Variants in SLC22A4 observed in about 807,000 individuals in gnomAD.
The protein encoded by SLC22A4 is solute carrier family 22 member 4, also known as ET transporter.
In SLC22A4, 39 loss-of-function variants were observed where a neutral mutation model predicts 56.6. The ratio of observed to expected loss-of-function variants is 0.69; its 90% CI spans 0.53 to 0.90. The LOEUF is 0.90. SLC22A4 is among the 40% of genes least tolerant of loss of function. The pLI, the probability that SLC22A4 is intolerant of heterozygous loss-of-function variation, is 0.00. For missense variants in SLC22A4, 594 were observed against 696.5 expected, an observed-to-expected ratio of 0.85 and a Z score of 1.66; for synonymous variants, 241 against 281.4, an observed-to-expected ratio of 0.86 and a Z score of 1.44.
chr5:132,317,329 A>C lies in SLC22A4; in HGVS notation c.652+3561A>C, dbSNP rs557113624. Among the ~76,000 whole-genome samples the C allele has an allele frequency of 2.0e-5, 3 of 152,296 alleles. No homozygotes were observed. In the South Asian group the frequency reaches 6.2e-4, roughly 32 times the overall value. On this transcript the variant is annotated intron_variant, in intron 3 of 9. Transcript: ENST00000200652. ...TCATCACCCTGAAAAGAAACCCTATACGAATTAGCAGTCATTTCCCTCTTC... is the reference window on the plus strand; with the variant it reads ...TCATCACCCTGAAAAGAAACCCTATCCGAATTAGCAGTCATTTCCCTCTTC...
intron 1 of SLC22A4, among the ~76,000 whole-genome samples, chr5:132,297,812 A>C (rs1280790948): frequency 1.3e-5 from 2 of 152,004 alleles, no homozygotes; most frequent in African/African-American, 2.4e-5. Flanking sequence ...GCCAGGCATG[A>C]GGGCATGTGA....
intron 1 of SLC22A4, among the ~76,000 whole-genome samples, chr5:132,296,138 G>T (rs1391227022): frequency 6.6e-6 from 1 of 152,214 alleles, no homozygotes; most frequent in Non-Finnish European, 1.5e-5. Flanking sequence ...CTCTCTGTGG[G>T]ACAATAGGTG....
intron 4 of SLC22A4, among the ~76,000 whole-genome samples, chr5:132,324,052 T>C (rs1280335363): frequency 6.6e-6 from 1 of 151,952 alleles, no homozygotes; most frequent in Non-Finnish European, 1.5e-5. Flanking sequence ...ATTAGCTGGG[T>C]GCAGTGGTGA....
intron 4 of SLC22A4, 81 bp from the exon 5 acceptor site, chr5:132,327,196 A>G (rs951890645): frequency 1.8e-6 from 2 of 1,137,114 alleles, no homozygotes; most frequent in African/African-American, 3.1e-5. Flanking sequence ...CAAAATTAAA[A>G]CTATTTGGGG....
chr5:132,299,706 G>A (rs186800090), intron 1 of SLC22A4, among the ~76,000 whole-genome samples: 4 of 152,176 alleles, frequency 2.6e-5, no homozygotes, highest in Admixed American at 6.5e-5. Flanking sequence ...CACCTGCCTC[G>A]GCCTCCCAAA....
chr5:132,315,710 C>G (rs1216297635), intron 3 of SLC22A4, among the ~76,000 whole-genome samples: 2 of 152,172 alleles, frequency 1.3e-5, no homozygotes, highest in Non-Finnish European at 2.9e-5. Flanking sequence ...GGTGCAGCAG[C>G]CTCGCTATCA....
intron 8 of SLC22A4, among the ~76,000 whole-genome samples, chr5:132,337,507 G>A (rs751030813): frequency 2.0e-5 from 3 of 151,304 alleles, no homozygotes; most frequent in African/African-American, 7.3e-5. Flanking sequence ...GAACTCCTGG[G>A]CTCAAGTGAT....
chr5:132,341,371 T>C (rs1751214045), intron 9 of SLC22A4, among the ~76,000 whole-genome samples: 1 of 151,906 alleles, frequency 6.6e-6, no homozygotes, highest in South Asian at 2.1e-4. Flanking sequence ...TGAGCCAACA[T>C]CATGCCACCG....
At chr5:132,321,289 G>T (rs71583473) in intron 3 of SLC22A4, among the ~76,000 whole-genome samples, 1 of 152,168 alleles carries the variant, frequency 6.6e-6, no homozygotes, top group East Asian at 1.9e-4. Flanking sequence ...CATGCTGCAG[G>T]AAGGCCTGTC....
chr5:132,308,942 T>C (rs1241061915), intron 1 of SLC22A4, among the ~76,000 whole-genome samples: 3 of 152,210 alleles, frequency 2.0e-5, no homozygotes, highest in Non-Finnish European at 4.4e-5. Context: ...TGTATGTGTG[T>C]GTGCATGTAT....
At chr5:132,295,706 CA>C in intron 1 of SLC22A4, 1 of 190,116 alleles carries the variant, frequency 5.3e-6, no homozygotes, top group Non-Finnish European at 1.1e-5. Context: ...TGAGGATGCA[CA>C]CACACTTCTC....
intron 9 of SLC22A4, 47 bp downstream of exon 9, chr5:132,340,747 AT>A (rs1561550279): frequency 6.4e-7 from 1 of 1,560,918 alleles, no homozygotes; most frequent in Non-Finnish European, 8.8e-7. Context: ...CTTAGGGAGA[AT>A]AAGCATGGAA....
At chr5:132,298,133 T>C (rs1351071425) in intron 1 of SLC22A4, among the ~76,000 whole-genome samples, 2 of 152,214 alleles carry the variant, frequency 1.3e-5, no homozygotes. Flanking sequence ...ATACTAATTC[T>C]GGATATATGT....
chr5:132,334,884 C>G lies in SLC22A4; in HGVS notation c.1213C>G (p.Leu405Val). The G allele has an allele frequency of 6.2e-7, 1 of 1,613,954 alleles. No individual in the cohort carries two copies. Among genetic ancestry groups the G allele is most frequent in the Non-Finnish European group, 8.5e-7 (1 of 1,179,870 alleles). ...LPRRYIIAAV[L>V]FWGGGVLLFI... ...CAGGCGTTATATCATAGCTGCAGTACTGTTCTGGGGAGGAGGTGTGCTTCT... is the reference window on the plus strand; with the variant it reads ...CAGGCGTTATATCATAGCTGCAGTAGTGTTCTGGGGAGGAGGTGTGCTTCT... The change falls in exon 7 of 10, where the codon CTG (leucine) becomes GTG (valine). Residue 405 changes from leucine (L) to valine (V), a missense_variant. Leu to Val is a conservative substitution (Grantham distance 32). Transcript: ENST00000200652.
At chr5:132,310,689 T>C (rs1270336491) in intron 1 of SLC22A4, among the ~76,000 whole-genome samples, 4 of 152,236 alleles carry the variant, frequency 2.6e-5, no homozygotes, top group Non-Finnish European at 5.9e-5. Context: ...AATCTTGCTA[T>C]TGTCTCTAGG....
intron 3 of SLC22A4, among the ~76,000 whole-genome samples, chr5:132,317,596 T>C (rs1415791873): frequency 1.3e-5 from 2 of 152,244 alleles, no homozygotes; most frequent in Admixed American, 6.5e-5. Context: ...TTATGAATAA[T>C]GCTATGAACA....
intron 1 of SLC22A4, among the ~76,000 whole-genome samples, chr5:132,299,259 T>C (rs1749849017): frequency 6.6e-6 from 1 of 152,024 alleles, no homozygotes; most frequent in African/African-American, 2.4e-5. Context: ...AGCAATAAGG[T>C]GTCTGAGTTG....
chr5:132,330,999 C>CA (rs1166550546), intron 5 of SLC22A4, among the ~76,000 whole-genome samples: 1 of 152,078 alleles, frequency 6.6e-6, no homozygotes, highest in Non-Finnish European at 1.5e-5. Flanking sequence ...GTTACTTGCC[C>CA]AAGGCCCGCC....
intron 8 of SLC22A4, among the ~76,000 whole-genome samples, 170 bp downstream of exon 8, chr5:132,336,170 G>C (rs73787130): frequency 4.4e-4 from 66 of 150,686 alleles, no homozygotes; most frequent in African/African-American, 1.6e-3. Context: ...CTGGTGAGTA[G>C]CGCTACAGAC....
Sources: gnomAD v4.1 joint callset for allele counts (sites outside exome capture counted in the v4.1 genomes callset) on GRCh38, gnomAD v4.1.1 for gene constraint, MANE v1.5 for transcripts, NCBI Gene and HGNC (gene_info 2026-07-23, HGNC 2026-07-21) for gene names.